Variants in KCNN3 observed in about 807,000 individuals in gnomAD.
The protein encoded by KCNN3 is small conductance calcium-activated potassium channel protein 3.
A neutral mutation model predicts 62.9 loss-of-function variants in KCNN3; 16 were observed. The ratio of observed to expected loss-of-function variants is 0.25; its 90% CI spans 0.17 to 0.39. The LOEUF (loss-of-function observed/expected upper bound fraction) is 0.39. Ranked by LOEUF, KCNN3 falls within the 10% of genes least tolerant of loss-of-function variation. The pLI, the probability that KCNN3 is intolerant of heterozygous loss-of-function variation, is 1.00. For missense variants in KCNN3, 599 were observed against 949.4 expected, an observed-to-expected ratio of 0.63 and a Z score of 4.85; for synonymous variants, 370 against 389.2, an observed-to-expected ratio of 0.95 and a Z score of 0.58.
chr1:154,832,248 C>A (rs986235606), intron 1 of KCNN3, among the ~76,000 whole-genome samples: 5 of 151,714 alleles, frequency 3.3e-5, no homozygotes, highest in Admixed American at 3.3e-4. Flanking sequence ...GTGCTCTTGG[C>A]CAGTTAGCAA....
rs745782958 is a variant in KCNN3 at position 154,862,666 on chromosome 1, T to A, written c.933+6366A>T. On this transcript the variant is annotated intron_variant, in intron 1 of 7. Transcript: ENST00000271915. The surrounding 1 kb of genome is among the most constrained non-coding windows in gnomAD (Gnocchi z 4.1). ...AGAGAGGAGGCATCAAGAACTGACC[T>A]TGGGCCAGTCCACAATCTCACCCTG... Among the ~76,000 whole-genome samples, 24 of 152,096 alleles carry A rather than the reference T, an allele frequency of 1.6e-4. No homozygotes were observed. Among genetic ancestry groups the A allele is most frequent in the Non-Finnish European group, 3.4e-4 (23 of 67,962 alleles).
intron 2 of KCNN3, among the ~76,000 whole-genome samples, chr1:154,818,153 G>T (rs971550027): frequency 6.6e-6 from 1 of 152,204 alleles, no homozygotes; most frequent in Non-Finnish European, 1.5e-5. Context: ...AGGAAAAGAG[G>T]TGCCTGAGTC....
chr1:154,859,242 C>G (rs986290153), intron 1 of KCNN3, among the ~76,000 whole-genome samples: 6 of 152,252 alleles, frequency 3.9e-5, no homozygotes, highest in Non-Finnish European at 7.3e-5. Context: ...TAGCTAAACT[C>G]CAATTCGTTA....
chr1:154,726,597 G>A (rs542812429), intron 4 of KCNN3, among the ~76,000 whole-genome samples: 2 of 152,364 alleles, frequency 1.3e-5, no homozygotes, highest in South Asian at 4.1e-4. Flanking sequence ...AGGTTGGCAC[G>A]AACACGTGCA....
At chr1:154,728,969 C>T (rs1232960949) in intron 4 of KCNN3, among the ~76,000 whole-genome samples, 1 of 152,196 alleles carries the variant, frequency 6.6e-6, no homozygotes, top group Non-Finnish European at 1.5e-5. Flanking sequence ...TGCCTGTCCC[C>T]TGGGTCCCCT....
chr1:154,723,625 G>A (rs977274422), intron 5 of KCNN3, among the ~76,000 whole-genome samples: 2 of 152,154 alleles, frequency 1.3e-5, no homozygotes, highest in Non-Finnish European at 2.9e-5. Flanking sequence ...GGTGAAAAAT[G>A]GAGAGGACAA....
intron 3 of KCNN3, among the ~76,000 whole-genome samples, chr1:154,735,279 G>A (rs981184663): frequency 7.2e-5 from 11 of 152,142 alleles, no homozygotes; most frequent in East Asian, 1.9e-4. Flanking sequence ...GCAGATTCCC[G>A]CGAGCACATC....
At chr1:154,848,569 C>A (rs977075770) in intron 1 of KCNN3, among the ~76,000 whole-genome samples, 1 of 152,150 alleles carries the variant, frequency 6.6e-6, no homozygotes, top group Non-Finnish European at 1.5e-5. Context: ...CCACCAGCTT[C>A]ACGGGCAGGG....
intron 5 of KCNN3, among the ~76,000 whole-genome samples, chr1:154,722,613 C>T (rs1341834772): frequency 6.6e-6 from 1 of 151,946 alleles, no homozygotes; most frequent in African/African-American, 2.4e-5. Flanking sequence ...AGGAAGGTCT[C>T]AATCTCCTGA....
Position 154,707,999 on chromosome 1 carries a change from A to G in KCNN3, c.2173T>C (p.Tyr725His). 2 of 1,613,420 alleles carry G rather than the reference A, an allele frequency of 1.2e-6. No individual in the cohort carries two copies. Among genetic ancestry groups the G allele is most frequent in the Non-Finnish European group, 1.7e-6 (2 of 1,179,684 alleles). ...ATTTAGCAACTGCTTGAACTTGTGT[A>G]CGGGGTCGGGAAGGAGGTGGAGCTG... Reference protein sequence around the residue: ...GVSSTSFPTPYTSSSSC With the variant: ...GVSSTSFPTPHTSSSSC The change falls in exon 8 of 8, where the codon TAC becomes CAC. Residue 725 changes from tyrosine (Y) to histidine (H), a missense_variant. This residue lies in a region of KCNN3 where 52 missense variants were observed against 53.3 expected (regional missense o/e 0.98). Transcript: ENST00000271915.
intron 1 of KCNN3, among the ~76,000 whole-genome samples, chr1:154,829,443 A>G (rs565233203): frequency 5.3e-5 from 8 of 152,350 alleles, no homozygotes; most frequent in Admixed American, 5.2e-4. Flanking sequence ...AGATGGGGCT[A>G]AACCTCACTG....
chr1:154,699,899 C>T lies in KCNN3; in HGVS notation c.*8077G>A, dbSNP rs1257084466. ...CTAGTCTGGTCTAAAAAAAAAAAGA[C>T]TAAAACTTAAAAATGGGGGCTTTGA... On this transcript the variant is annotated 3_prime_UTR_variant, in exon 8 of 8. Coordinates refer to ENST00000271915, the MANE Select transcript of KCNN3 (RefSeq NM_002249.6). The T allele has an allele frequency of 6.6e-6, 1 of 151,640 alleles. No homozygotes were observed. Among genetic ancestry groups the T allele is most frequent in the East Asian group, 1.9e-4 (1 of 5,176 alleles). The allele number at this position is 151,640 out of a possible 1,614,324, so 9.4% of individuals were successfully genotyped here.
Position 154,705,748 on chromosome 1 carries a change from AG to A in KCNN3, c.*2227del, listed in dbSNP as rs1699954430. On this transcript the variant is annotated 3_prime_UTR_variant, in exon 8 of 8. Coordinates refer to ENST00000271915, the MANE Select transcript of KCNN3 (RefSeq NM_002249.6). ...TCACACCCACACGCACACATATCAC[AG>A]GGTTATAGCAGAATGAAAACGGTGG... The A allele has an allele frequency of 6.6e-6, 1 of 152,244 alleles. No homozygotes were observed. Among genetic ancestry groups the A allele is most frequent in the South Asian group, 2.1e-4 (1 of 4,824 alleles). The allele number at this position is 152,244 out of a possible 1,614,324, so 9.4% of individuals were successfully genotyped here.
chr1:154,794,712 G>A (rs1649655388), intron 2 of KCNN3, among the ~76,000 whole-genome samples: 1 of 152,192 alleles, frequency 6.6e-6, no homozygotes, highest in African/African-American at 2.4e-5. Flanking sequence ...ATTCACAGAG[G>A]TGCAGGAGCA....
At chr1:154,806,014 T>C (rs572638267) in intron 2 of KCNN3, among the ~76,000 whole-genome samples, 1 of 152,320 alleles carries the variant, frequency 6.6e-6, no homozygotes, top group Non-Finnish European at 1.5e-5. Flanking sequence ...GTCAGAGTGA[T>C]GTGATGTGAG....
Position 154,809,596 on chromosome 1 carries a change from G to A in KCNN3, c.1029+12493C>T, listed in dbSNP as rs1332361881. 6.6e-6 allele frequency among the ~76,000 whole-genome samples: 1 copy of A among 152,220 alleles called. No homozygotes were observed. Among genetic ancestry groups the A allele is most frequent in the Non-Finnish European group, 1.5e-5 (1 of 68,046 alleles). Reference sequence around the variant, plus strand: ...GTTTAGATGAAGCTATTATACTCAGGCTCATCACATGTGGGAGGGCAGGAA... The same window carrying A: ...GTTTAGATGAAGCTATTATACTCAGACTCATCACATGTGGGAGGGCAGGAA... On this transcript the variant is annotated intron_variant, in intron 2 of 7. Coordinates refer to ENST00000271915, the MANE Select transcript of KCNN3 (RefSeq NM_002249.6). This position sits in a 1 kb window ranked among gnomAD's most constrained non-coding sequence, Gnocchi z 4.3.
At position 154,809,831 on chromosome 1, in the gene KCNN3, G is replaced by T. The variant is rs557305348; in HGVS notation, c.1029+12258C>A. ...TTAGCAGCTCATGAGAAGACAGAGG[G>T]GTTTTAGTAAATATTCAATTCAATA... On this transcript the variant is annotated intron_variant, in intron 2 of 7. Transcript: ENST00000271915. The surrounding 1 kb of genome is among the most constrained non-coding windows in gnomAD (Gnocchi z 4.3). Among the ~76,000 whole-genome samples, 1 of 152,270 alleles carries T rather than the reference G, an allele frequency of 6.6e-6. No homozygotes were observed. Among genetic ancestry groups the T allele is most frequent in the South Asian group, 2.1e-4 (1 of 4,820 alleles).
At chr1:154,743,596 A>C (rs1700874649) in intron 3 of KCNN3, among the ~76,000 whole-genome samples, 1 of 152,206 alleles carries the variant, frequency 6.6e-6, no homozygotes, top group African/African-American at 2.4e-5. Flanking sequence ...GTGCAAAAGC[A>C]ATACACAGTC....
rs1650305258 is a variant in KCNN3 at position 154,809,286 on chromosome 1, A to G, written c.1029+12803T>C. 6.6e-6 allele frequency among the ~76,000 whole-genome samples: 1 copy of G among 152,232 alleles called. No individual in the cohort carries two copies. Among genetic ancestry groups the G allele is most frequent in the African/African-American group, 2.4e-5 (1 of 41,460 alleles). On this transcript the variant is annotated intron_variant, in intron 2 of 7. Coordinates refer to ENST00000271915, the MANE Select transcript of KCNN3 (RefSeq NM_002249.6). The surrounding 1 kb of genome is among the most constrained non-coding windows in gnomAD (Gnocchi z 4.3). ...CATTTCACAGACTGTGAGTAACACG[A>G]GACCGGGTCCAGTCTGTAGTTCACA...
Sources: gnomAD v4.1 joint callset for allele counts (sites outside exome capture counted in the v4.1 genomes callset) on GRCh38, gnomAD v4.1.1 for gene constraint, gnomAD v4.1.1 regional missense constraint, Gnocchi (gnomAD v3.1) non-coding constraint, MANE v1.5 for transcripts, NCBI Gene and HGNC (gene_info 2026-07-23, HGNC 2026-07-21) for gene names.